The following CHST8 variants were observed in gnomAD, a reference collection of about 807,000 sequenced individuals.
CHST8 encodes carbohydrate sulfotransferase 8.
CHST8 carries 10 observed loss-of-function variants against 15.0 expected under a neutral mutation model. That is an observed-to-expected ratio of 0.67 (90% CI 0.41 to 1.13). The LOEUF (loss-of-function observed/expected upper bound fraction) is 1.13, where lower values mean the gene tolerates loss of function less well. Ranked by LOEUF, CHST8 falls within the 50% of genes most tolerant of loss-of-function variation. The pLI, the probability that CHST8 is intolerant of heterozygous loss-of-function variation, is 0.00. For synonymous variants in CHST8, 259 were observed against 256.6 expected (o/e 1.01, Z -0.09); for missense variants, 634 against 608.2 (o/e 1.04, Z -0.45).
intron 3 of CHST8, among the ~76,000 whole-genome samples, chr19:33,739,923 A>G (rs1974155377): frequency 6.6e-6 from 1 of 152,164 alleles, no homozygotes; most frequent in African/African-American, 2.4e-5. Flanking sequence ...CTCCTCACAC[A>G]AAAAGCTAAT....
chr19:33,745,443 A>T (rs1261092351), intron 3 of CHST8, among the ~76,000 whole-genome samples: 1 of 152,160 alleles, frequency 6.6e-6, no homozygotes, highest in Non-Finnish European at 1.5e-5. Context: ...TGCTCCACCT[A>T]CCACCAATGC....
intron 3 of CHST8, among the ~76,000 whole-genome samples, chr19:33,712,679 C>T (rs1261792526): frequency 1.3e-5 from 2 of 152,158 alleles, no homozygotes; most frequent in East Asian, 1.9e-4. Flanking sequence ...TTAGGCCTTG[C>T]ACTGCAGCGG....
intron 3 of CHST8, among the ~76,000 whole-genome samples, chr19:33,697,362 T>A (rs942067952): frequency 2.0e-5 from 3 of 152,052 alleles, no homozygotes; most frequent in Non-Finnish European, 4.4e-5. Context: ...CCTGAGTAGC[T>A]GGGACCACAG....
Position 33,757,502 on chromosome 19 carries a change from GAAAGAAAGAAAGAAAGAA to G in CHST8, c.131-13909_131-13892del, listed in dbSNP as rs1568358668. ...AGAAAGAAAGAAAGAAAGAAAGAAA[GAAAGAAAGAAAGAAAGAA>G]AGAGAAAGAAAGAAAGAAAGAAAGA... On this transcript the variant is annotated intron_variant, in intron 3 of 4. Coordinates refer to ENST00000650847, the MANE Select transcript of CHST8 (RefSeq NM_001127895.2). Among the ~76,000 whole-genome samples, 8 of 45,040 alleles carry G rather than the reference GAAAGAAAGAAAGAAAGAA, an allele frequency of 1.8e-4. 1 individual carries two copies. The highest frequency in any genetic ancestry group is 3.0e-4 in the Non-Finnish European group (7 of 23,090). 29.5% of individuals were successfully genotyped at this position (45,040 alleles called of 152,430 possible). A position where few individuals can be genotyped will look rare whatever the true frequency, so the allele number is the denominator to read the frequency against.
chr19:33,737,023 G>C (rs1043995135), intron 3 of CHST8, among the ~76,000 whole-genome samples: 4 of 152,130 alleles, frequency 2.6e-5, no homozygotes, highest in African/African-American at 9.7e-5. Context: ...ATACCCACCA[G>C]CACCATGACA....
At chr19:33,676,431 G>A (rs537485372) in intron 2 of CHST8, among the ~76,000 whole-genome samples, 18 of 152,140 alleles carry the variant, frequency 1.2e-4, no homozygotes, top group Admixed American at 2.6e-4. Flanking sequence ...TTAGCCAGAC[G>A]TGGTGGCACA....
intron 1 of CHST8, among the ~76,000 whole-genome samples, chr19:33,660,824 G>T (rs1972576320): frequency 6.6e-6 from 1 of 152,326 alleles, no homozygotes; most frequent in South Asian, 2.1e-4. Flanking sequence ...CTGTGAGTTA[G>T]CCCTGCTTCA....
chr19:33,629,057 C>T (rs768147038), intron 1 of CHST8, among the ~76,000 whole-genome samples: 6 of 152,162 alleles, frequency 3.9e-5, no homozygotes, highest in South Asian at 2.1e-4. Flanking sequence ...CCAGGGCACT[C>T]GGCAAGTGAC....
intron 3 of CHST8, among the ~76,000 whole-genome samples, chr19:33,697,092 C>T (rs369671148): frequency 6.6e-6 from 1 of 152,070 alleles, no homozygotes. Context: ...ATCCACCTGC[C>T]TCAGCCTCCC....
chr19:33,659,107 C>A (rs1972551749), intron 1 of CHST8, among the ~76,000 whole-genome samples: 1 of 127,524 alleles, frequency 7.8e-6, no homozygotes, highest in Non-Finnish European at 1.5e-5. Flanking sequence ...CTCCTGTTGC[C>A]CAGGCTGGAG....
intron 1 of CHST8, among the ~76,000 whole-genome samples, chr19:33,642,949 A>G (rs1164428974): frequency 6.6e-6 from 1 of 152,188 alleles, no homozygotes; most frequent in East Asian, 1.9e-4. Context: ...TTTGACACCT[A>G]CACGGCATCC....
At chr19:33,640,756 G>A (rs1972273326) in intron 1 of CHST8, among the ~76,000 whole-genome samples, 1 of 152,128 alleles carries the variant, frequency 6.6e-6, no homozygotes. Flanking sequence ...CTTCCTGGGT[G>A]GTCTTGCCCA....
chr19:33,716,103 C>G (rs1211705912), intron 3 of CHST8, among the ~76,000 whole-genome samples: 1 of 152,210 alleles, frequency 6.6e-6, no homozygotes, highest in Non-Finnish European at 1.5e-5. Flanking sequence ...CTTTCCATAT[C>G]GAGACGGATT....
intron 3 of CHST8, among the ~76,000 whole-genome samples, chr19:33,770,740 C>T (rs1419427975): frequency 6.6e-6 from 1 of 152,180 alleles, no homozygotes; most frequent in African/African-American, 2.4e-5. Context: ...GACAATTACC[C>T]TCTACCTGGG....
intron 3 of CHST8, among the ~76,000 whole-genome samples, chr19:33,711,656 G>C (rs1973553057): frequency 6.6e-6 from 1 of 152,116 alleles, no homozygotes; most frequent in South Asian, 2.1e-4. Flanking sequence ...TTTTTGGTGA[G>C]ACAGAATCTT....
chr19:33,749,010 G>A (rs1046261417), intron 3 of CHST8, among the ~76,000 whole-genome samples: 3 of 152,168 alleles, frequency 2.0e-5, no homozygotes, highest in Admixed American at 6.5e-5. Context: ...AATTCAGGAC[G>A]CCATGTGAGA....
chr19:33,677,163 G>T (rs578024290), intron 2 of CHST8, among the ~76,000 whole-genome samples: 1 of 152,146 alleles, frequency 6.6e-6, no homozygotes, highest in Non-Finnish European at 1.5e-5. Flanking sequence ...GCCGGCAGGG[G>T]GGGGCACTGG....
At chr19:33,695,380 A>G (rs767828003) in intron 3 of CHST8, among the ~76,000 whole-genome samples, 9 of 152,212 alleles carry the variant, frequency 5.9e-5, no homozygotes, top group Non-Finnish European at 1.3e-4. Context: ...AGGCACAATC[A>G]CAAGCACTTT....
chr19:33,769,064 C>T (rs1481079031), intron 3 of CHST8, among the ~76,000 whole-genome samples: 1 of 152,186 alleles, frequency 6.6e-6, no homozygotes, highest in Non-Finnish European at 1.5e-5. Flanking sequence ...GTGGGACAGC[C>T]CCAGAAGCTT....
Sources: allele counts gnomAD v4.1 joint callset (sites outside exome capture counted in the v4.1 genomes callset), GRCh38; gene constraint gnomAD v4.1.1; transcripts MANE v1.5; gene names NCBI Gene and HGNC (gene_info 2026-07-23, HGNC 2026-07-21).